The following ITCH variants were observed in gnomAD, a reference collection of about 807,000 sequenced individuals.
ITCH encodes itchy E3 ubiquitin protein ligase.
In ITCH, 28 loss-of-function variants were observed where a neutral mutation model predicts 126.8. The ratio of observed to expected loss-of-function variants is 0.22; its 90% CI spans 0.16 to 0.30. ITCH has a LOEUF of 0.30. Ranked by LOEUF, ITCH falls within the 10% of genes least tolerant of loss-of-function variation. ITCH has a pLI of 1.00. For synonymous variants in ITCH, 342 were observed against 340.0 expected, an observed-to-expected ratio of 1.01 and a Z score of -0.06; for missense variants, 631 against 1,032.4, an observed-to-expected ratio of 0.61 and a Z score of 5.33.
At chr20:34,506,576 G>A (rs73259105) in intron 24 of ITCH, among the ~76,000 whole-genome samples, 2,822 of 152,282 alleles carry the variant, frequency 0.019, 82 homozygotes, top group African/African-American at 0.055. Context: ...GAGGGATCTA[G>A]ATTGTGCATT....
intron 23 of ITCH, among the ~76,000 whole-genome samples, chr20:34,495,314 T>TACAC (rs71194613): frequency 2.6e-5 from 2 of 76,402 alleles, no homozygotes; most frequent in African/African-American, 3.9e-5. Context: ...TATATATATA[T>TACAC]ATACACACGC....
chr20:34,492,740 C>A, intron 23 of ITCH, 143 bp downstream of exon 23: 1 of 677,178 alleles, frequency 1.5e-6, no homozygotes. Flanking sequence ...ATTTGTATAA[C>A]CTTTAAAATA....
At chr20:34,402,580 G>A in intron 3 of ITCH, 1 of 690,324 alleles carries the variant, frequency 1.4e-6, no homozygotes, top group East Asian at 2.8e-5. Context: ...TTCTCTACCA[G>A]TCATAATTGT....
Position 34,465,208 on chromosome 20 carries a change from T to G in ITCH, c.1424+2987T>G, listed in dbSNP as rs192124843. On this transcript the variant is annotated intron_variant, in intron 14 of 24. Coordinates refer to ENST00000374864, the MANE Select transcript of ITCH (RefSeq NM_031483.7). Reference sequence around the variant, plus strand: ...CCATTGTCAATAGCATTTTACCATATATGCAAGGGATTATTTCTGGGCTGT... The same window carrying G: ...CCATTGTCAATAGCATTTTACCATAGATGCAAGGGATTATTTCTGGGCTGT... Among the ~76,000 whole-genome samples the G allele has an allele frequency of 2.3e-3, 343 of 152,298 alleles. 1 individual carries two copies. Among genetic ancestry groups the G allele is most frequent in the African/African-American group, 7.6e-3 (317 of 41,564 alleles).
chr20:34,480,727 G>T lies in ITCH; in HGVS notation c.1947G>T (p.Trp649Cys), dbSNP rs1988671538. 6.2e-7 allele frequency: 1 copy of T among 1,601,018 alleles called. No individual in the cohort carries two copies. Among genetic ancestry groups the T allele is most frequent in the African/African-American group, 1.3e-5 (1 of 74,446 alleles). ...IDPEFYNSLI[W>C]VKENNIEECD... ...CAGAATTTTACAATTCTCTCATCTG[G>T]GTTAAGTAAGTTTCTTTTTCCATGT... The change falls in exon 19 of 25, where the codon TGG becomes TGT. Residue 649 changes from tryptophan (W) to cysteine (C), a missense_variant. This residue lies in a region of ITCH where 390 missense variants were observed against 731.6 expected (regional missense o/e 0.53). Transcript: ENST00000374864.
In ITCH at chr20:34,445,380, C is replaced by T. The variant is rs572957885; in HGVS notation, c.1059C>T (p.Val353=). Residue 353 remains valine, a synonymous_variant, in exon 11 of 25, where the codon GTC becomes GTT. Transcript: ENST00000374864. ...TTWQRPTLES[V]RNYEQWQLQR... ...GGCAGAGGCCAACACTGGAATCCGT[C>T]CGGAACTATGAACAATGGCAGCTAC... 23 of 1,613,730 alleles carry T rather than the reference C, an allele frequency of 1.4e-5. 2 individuals carry two copies. In the South Asian group the frequency reaches 2.1e-4, roughly 15 times the overall value.
chr20:34,424,466 CT>C lies in ITCH; in HGVS notation c.476-11del. The C allele has an allele frequency of 6.2e-7, 1 of 1,609,850 alleles. No homozygotes were observed. Among genetic ancestry groups the C allele is most frequent in the Non-Finnish European group, 8.5e-7 (1 of 1,176,248 alleles). On this transcript the variant is annotated splice_polypyrimidine_tract_variant and intron_variant, in intron 6 of 24. Coordinates refer to ENST00000374864, the MANE Select transcript of ITCH (RefSeq NM_031483.7). ...TCTTGAAACTCATTTTCTGTTTAAACTTTGATGTTAAAGGTGCTTCTCAGAA... is the reference window on the plus strand; with the variant it reads ...TCTTGAAACTCATTTTCTGTTTAAACTTGATGTTAAAGGTGCTTCTCAGAA...
intron 21 of ITCH, 133 bp downstream of exon 21, chr20:34,489,519 C>G (rs1989367605): frequency 2.3e-6 from 2 of 851,570 alleles, no homozygotes; most frequent in Non-Finnish European, 3.9e-6. Flanking sequence ...TTGAAACATC[C>G]CCAATGGTTA....
intron 7 of ITCH, among the ~76,000 whole-genome samples, chr20:34,432,341 A>C (rs1428978389): frequency 6.6e-6 from 1 of 152,196 alleles, no homozygotes; most frequent in Admixed American, 6.5e-5. Flanking sequence ...ATGTATTATC[A>C]AAAGCAAAGG....
At chr20:34,390,866 C>G (rs997759116) in intron 2 of ITCH, among the ~76,000 whole-genome samples, 1 of 152,150 alleles carries the variant, frequency 6.6e-6, no homozygotes, top group Non-Finnish European at 1.5e-5. Context: ...ATTCTCCTGC[C>G]TCAGACTTCC....
intron 20 of ITCH, among the ~76,000 whole-genome samples, chr20:34,486,818 C>G (rs1327301744): frequency 6.6e-6 from 1 of 151,344 alleles, no homozygotes; most frequent in Non-Finnish European, 1.5e-5. Flanking sequence ...CTAGCCTCAG[C>G]CACCAAGCAG....
intron 8 of ITCH, among the ~76,000 whole-genome samples, chr20:34,439,747 A>G (rs1050042181): frequency 5.3e-5 from 8 of 152,190 alleles, no homozygotes; most frequent in African/African-American, 1.7e-4. Context: ...CAGACCTTCC[A>G]TATTATAACC....
chr20:34,446,881 T>C (rs550213566), intron 11 of ITCH, among the ~76,000 whole-genome samples: 1 of 152,334 alleles, frequency 6.6e-6, no homozygotes, highest in South Asian at 2.1e-4. Flanking sequence ...TCAAGACTTA[T>C]TTCCTTTATC....
In ITCH at chr20:34,408,702, C is replaced by G. The variant is rs1978503277; in HGVS notation, c.122C>G (p.Pro41Arg). Residue 41 changes from proline (P) to arginine (R), a missense_variant, in exon 4 of 25, where the codon CCT becomes CGT. Pro to Arg is a moderately radical substitution (Grantham distance 103, BLOSUM62 -2). Around this residue, in one of 4 missense-constraint regions of ITCH, gnomAD observed 220 missense variants for 265.7 expected, o/e 0.83. Transcript: ENST00000374864. ...AAGAAGAATTGGTTTGGACCAAGTC[C>G]TTACGTAGAGGTCACAGTAGATGGA... ...ENKKNWFGPS[P>R]YVEVTVDGQS... 1 of 1,613,842 alleles carries G rather than the reference C, an allele frequency of 6.2e-7. No individual in the cohort carries two copies.
At chr20:34,404,283 T>G (rs1488338519) in intron 3 of ITCH, among the ~76,000 whole-genome samples, 1 of 152,142 alleles carries the variant, frequency 6.6e-6, no homozygotes, top group Non-Finnish European at 1.5e-5. Flanking sequence ...ATTTTATATT[T>G]GTAATATTAT....
intron 14 of ITCH, chr20:34,466,418 A>G (rs191742048): frequency 2.5e-5 from 13 of 524,192 alleles, no homozygotes; most frequent in African/African-American, 1.6e-4. Flanking sequence ...ATGGTTCCCT[A>G]TTACTTTCTA....
chr20:34,449,286 A>T, intron 11 of ITCH, 125 bp from the exon 12 acceptor site: 1 of 640,274 alleles, frequency 1.6e-6, no homozygotes, highest in Non-Finnish European at 2.8e-6. Context: ...ACCATGTGAC[A>T]CTTCTTTAAG....
chr20:34,418,102 G>A (rs1284060416), intron 6 of ITCH, among the ~76,000 whole-genome samples: 2 of 151,556 alleles, frequency 1.3e-5, no homozygotes, highest in South Asian at 2.1e-4. Flanking sequence ...CAGTAGCTAG[G>A]ACTACAGGCG....
At position 34,504,322 on chromosome 20, in the gene ITCH, A is replaced by G; in HGVS notation, c.2417-9A>G. The G allele has an allele frequency of 6.2e-7, 1 of 1,607,486 alleles. No homozygotes were observed. The highest frequency in any genetic ancestry group is 8.5e-7 in the Non-Finnish European group (1 of 1,173,980). ...CTAACAAACTGTTTATGATTTCATT[A>G]TGTTTTAGGGAGCAATGGACCACAG... is the stretch of plus-strand genomic sequence containing the variant. On this transcript the variant is annotated splice_polypyrimidine_tract_variant and intron_variant, in intron 23 of 24. Transcript: ENST00000374864.
Sources: allele counts gnomAD v4.1 joint callset (sites outside exome capture counted in the v4.1 genomes callset), GRCh38; gene constraint gnomAD v4.1.1; regional missense constraint gnomAD v4.1.1; transcripts MANE v1.5; gene names NCBI Gene and HGNC (gene_info 2026-07-23, HGNC 2026-07-21).